The following CNIH3 variants were observed in gnomAD, a reference collection of about 807,000 sequenced individuals.
The protein encoded by CNIH3 is protein cornichon homolog 3.
CNIH3 carries 14 observed loss-of-function variants against 24.1 expected under a neutral mutation model. That is an observed-to-expected ratio of 0.58 (90% CI 0.38 to 0.91). The LOEUF (loss-of-function observed/expected upper bound fraction) is 0.91. CNIH3 is among the 40% of genes least tolerant of loss of function. The probability of loss-of-function intolerance (pLI) is 0.00; values close to 1 mark genes in which losing one functional copy is unlikely to be tolerated. For missense variants in CNIH3, 178 were observed against 196.8 expected, an observed-to-expected ratio of 0.90 and a Z score of 0.57; for synonymous variants, 68 against 73.8, an observed-to-expected ratio of 0.92 and a Z score of 0.40.
intron 1 of CNIH3, among the ~76,000 whole-genome samples, chr1:224,450,468 T>A (rs572232398): frequency 7.9e-4 from 120 of 152,202 alleles, no homozygotes; most frequent in African/African-American, 2.4e-3. Flanking sequence ...ACTACTCTCG[T>A]GAAGATCAGG....
Position 224,575,496 on chromosome 1 carries a change from A to C in CNIH3, n.517-7668A>C, listed in dbSNP as rs1034224176. ...GGCCTGTGTCACTCAGCAGTGGGAG[A>C]GCAACCTATAGAGTGGCCAGCGAGG... On this transcript the variant is annotated intron_variant and non_coding_transcript_variant, in intron 4 of 5. Transcript: ENST00000471578. 12 of 551,018 alleles carry C rather than the reference A, an allele frequency of 2.2e-5. No individual in the cohort carries two copies. In the African/African-American group the frequency reaches 2.3e-4, roughly 11 times the overall value. The allele number at this position is 551,018 out of a possible 1,614,324, so 34.1% of individuals were successfully genotyped here. A position where few individuals can be genotyped will look rare whatever the true frequency, so the allele number is the denominator to read the frequency against.
At chr1:224,663,658 A>G (rs970987745) in intron 1 of CNIH3, among the ~76,000 whole-genome samples, 2 of 152,220 alleles carry the variant, frequency 1.3e-5, no homozygotes, top group Non-Finnish European at 2.9e-5. Context: ...CACTTGTTCA[A>G]CCTGCAAATG....
At chr1:224,436,579 G>A (rs189383500) in intron 1 of CNIH3, among the ~76,000 whole-genome samples, 4 of 152,232 alleles carry the variant, frequency 2.6e-5, no homozygotes, top group East Asian at 1.9e-4. Flanking sequence ...CTAATTTTTA[G>A]GTAACCAACA....
chr1:224,465,570 C>T (rs1676121539), intron 1 of CNIH3, among the ~76,000 whole-genome samples: 1 of 152,168 alleles, frequency 6.6e-6, no homozygotes, highest in South Asian at 2.1e-4. Flanking sequence ...AAACCACAGT[C>T]TATACTATTA....
intron 1 of CNIH3, among the ~76,000 whole-genome samples, chr1:224,625,609 C>T (rs1683486679): frequency 6.6e-6 from 1 of 152,222 alleles, no homozygotes; most frequent in African/African-American, 2.4e-5. Context: ...GAATCCTAGA[C>T]TTGGTAGCTC....
intron 2 of CNIH3, among the ~76,000 whole-genome samples, chr1:224,543,073 A>T (rs918907136): frequency 6.6e-6 from 1 of 152,150 alleles, no homozygotes; most frequent in Admixed American, 6.5e-5. Context: ...TGGAGCTTTG[A>T]GCTATGTGAT....
upstream of CNIH3, among the ~76,000 whole-genome samples, chr1:224,614,936 CAAATAAATAAATAAAT>C (rs56329135): frequency 1.2e-3 from 181 of 146,786 alleles, 1 homozygote; most frequent in African/African-American, 2.3e-3. Flanking sequence ...GAGACTCCGT[CAAATAAATAAATAAAT>C]AAATAAATAA....
At chr1:224,639,479 A>G (rs986376952) in intron 1 of CNIH3, among the ~76,000 whole-genome samples, 1 of 152,256 alleles carries the variant, frequency 6.6e-6, no homozygotes, top group Non-Finnish European at 1.5e-5. Context: ...CTTGAAAAGT[A>G]AAGGAACAGC....
chr1:224,660,659 C>T (rs1409999290), intron 1 of CNIH3, among the ~76,000 whole-genome samples: 2 of 152,122 alleles, frequency 1.3e-5, no homozygotes, highest in African/African-American at 4.8e-5. Context: ...ACCAAATTGC[C>T]AGCATTTATG....
At chr1:224,570,477 G>A (rs1680770574) in intron 4 of CNIH3, among the ~76,000 whole-genome samples, 1 of 152,194 alleles carries the variant, frequency 6.6e-6, no homozygotes, top group Non-Finnish European at 1.5e-5. Context: ...CTGCATCCAT[G>A]TTGCCACAAA....
In CNIH3 at chr1:224,739,514, G is replaced by A. The variant is rs1046529006; in HGVS notation, c.*158G>A. On this transcript the variant is annotated 3_prime_UTR_variant, in exon 6 of 6. Coordinates refer to ENST00000272133, the MANE Select transcript of CNIH3 (RefSeq NM_152495.2). ...GAATGGGAGCTGGAATCACGCAGCAGCTGGGAGCCGAGTTAACCCTGCGTG... is the reference window on the plus strand; with the variant it reads ...GAATGGGAGCTGGAATCACGCAGCAACTGGGAGCCGAGTTAACCCTGCGTG... 5 of 1,393,440 alleles carry A rather than the reference G, an allele frequency of 3.6e-6. No individual in the cohort carries two copies. In the African/African-American group the frequency reaches 5.8e-5, roughly 16 times the overall value. The allele number at this position is 1,393,440 out of a possible 1,614,324, so 86.3% of individuals were successfully genotyped here. A position where few individuals can be genotyped will look rare whatever the true frequency, so the allele number is the denominator to read the frequency against.
At chr1:224,435,453 G>C (rs894687327) in intron 1 of CNIH3, among the ~76,000 whole-genome samples, 5 of 152,188 alleles carry the variant, frequency 3.3e-5, no homozygotes, top group African/African-American at 1.2e-4. Context: ...ATCTTATGGG[G>C]ACAAGAAGTC....
chr1:224,473,740 T>C (rs1676459391), intron 1 of CNIH3, among the ~76,000 whole-genome samples: 1 of 152,204 alleles, frequency 6.6e-6, no homozygotes, highest in Admixed American at 6.5e-5. Context: ...GCACATCTCC[T>C]AGACAGAAAA....
chr1:224,689,860 G>T (rs549472909), intron 3 of CNIH3, among the ~76,000 whole-genome samples: 2 of 152,172 alleles, frequency 1.3e-5, no homozygotes, highest in South Asian at 4.2e-4. Flanking sequence ...TCATTTTTTT[G>T]TGGCAAGAGC....
intron 3 of CNIH3, among the ~76,000 whole-genome samples, chr1:224,600,697 G>A (rs1397595953): frequency 6.6e-6 from 1 of 152,112 alleles, no homozygotes; most frequent in Non-Finnish European, 1.5e-5. Flanking sequence ...AATTTTTTAT[G>A]GGCTGAACTG....
At chr1:224,619,508 T>C (rs1449860344) in intron 1 of CNIH3, among the ~76,000 whole-genome samples, 1 of 152,212 alleles carries the variant, frequency 6.6e-6, no homozygotes, top group Non-Finnish European at 1.5e-5. Context: ...AGTCTTTTCC[T>C]TCTCTATCCC....
chr1:224,579,459 G>T (rs1005113427), intron 4 of CNIH3, among the ~76,000 whole-genome samples: 5 of 152,150 alleles, frequency 3.3e-5, no homozygotes, highest in African/African-American at 7.2e-5. Flanking sequence ...AGTATCTCTA[G>T]GTCATTTGTA....
chr1:224,586,557 C>A (rs981269965), intron 5 of CNIH3, among the ~76,000 whole-genome samples: 16 of 152,152 alleles, frequency 1.1e-4, no homozygotes, highest in Admixed American at 1.0e-3. Flanking sequence ...TACTTTGCTT[C>A]CCTGGGAGAC....
chr1:224,575,366 T>G, intron 4 of CNIH3: 1 of 1,080,726 alleles, frequency 9.3e-7, no homozygotes, highest in South Asian at 1.3e-5. Context: ...CCACAAGGAT[T>G]ACCCCTTCCA....
Sources: allele counts gnomAD v4.1 joint callset (sites outside exome capture counted in the v4.1 genomes callset), GRCh38; gene constraint gnomAD v4.1.1; transcripts MANE v1.5; gene names NCBI Gene and HGNC (gene_info 2026-07-23, HGNC 2026-07-21).